PDXK: variants seen among roughly 807,000 people sequenced by gnomAD.
The protein encoded by PDXK is epididymis secretory sperm binding protein Li 1a.
A neutral mutation model predicts 43.2 loss-of-function variants in PDXK; 15 were observed. The observed-to-expected ratio is 0.35, with a 90% confidence interval of 0.23 to 0.53. PDXK has a LOEUF of 0.53. Ranked by LOEUF, PDXK falls within the 20% of genes least tolerant of loss-of-function variation. The probability of loss-of-function intolerance (pLI) is 0.92; values close to 1 mark genes in which losing one functional copy is unlikely to be tolerated. For synonymous variants in PDXK, 172 were observed against 165.4 expected, an observed-to-expected ratio of 1.04 and a Z score of -0.31; for missense variants, 343 against 417.0, an observed-to-expected ratio of 0.82 and a Z score of 1.54.
At chr21:43,740,064 G>A (rs1446105471) in intron 2 of PDXK, among the ~76,000 whole-genome samples, 2 of 151,882 alleles carry the variant, frequency 1.3e-5, no homozygotes, top group Non-Finnish European at 2.9e-5. Context: ...GTCTCTGGCA[G>A]ACCCACCCCT....
chr21:43,753,457 A>C lies in PDXK; in HGVS notation c.623-126A>C, dbSNP rs73908382. On this transcript the variant is annotated intron_variant, in intron 8 of 10. Coordinates refer to ENST00000291565, the MANE Select transcript of PDXK (RefSeq NM_003681.5). ...TGCCCTGAGCCCCCACGTCCTGAGC[A>C]AGGCCACCTTGTGCTCTGCCCCTGT... 1.1e-3 allele frequency: 1,053 copies of C among 915,710 alleles called. 13 individuals are homozygous for C. In the African/African-American group the frequency reaches 0.016, roughly 14 times the overall value. 56.7% of individuals were successfully genotyped at this position (915,710 alleles called of 1,614,324 possible). A position where few individuals can be genotyped will look rare whatever the true frequency, so the allele number is the denominator to read the frequency against.
In PDXK at chr21:43,749,010, C is replaced by T; in HGVS notation, c.394C>T (p.Leu132Phe). 1.9e-6 allele frequency: 3 copies of T among 1,611,018 alleles called. No homozygotes were observed. Among genetic ancestry groups the T allele is most frequent in the Non-Finnish European group, 2.5e-6 (3 of 1,177,260 alleles). The change falls in exon 6 of 11, where the codon CTC (leucine) becomes TTC (phenylalanine). Residue 132 changes from leucine (L) to phenylalanine (F), a missense_variant. By Grantham distance (22) the Leu-to-Phe change is conservative. Transcript: ENST00000291565. Reference sequence around the variant, plus strand: ...TGTTGGCCAGTACGTCCCGGAGGACCTCCTTCCCGTCTACAAAGAAAAAGT... The same window carrying T: ...TGTTGGCCAGTACGTCCCGGAGGACTTCCTTCCCGTCTACAAAGAAAAAGT... ...GEGSMYVPED[L>F]LPVYKEKVVP...
Position 43,737,992 on chromosome 21 carries a change from G to A in PDXK, c.143-3675G>A, listed in dbSNP as rs1205791845. 2.0e-6 allele frequency: 2 copies of A among 985,352 alleles called. No individual in the cohort carries two copies. The highest frequency in any genetic ancestry group is 2.4e-6 in the Non-Finnish European group (2 of 829,976). The allele number at this position is 985,352 out of a possible 1,614,324, so 61.0% of individuals were successfully genotyped here. The stretch of plus-strand genomic sequence containing the variant: ...TGCCCTCTGTTTCGATAGGAAGCTG[G>A]GCCTCAGAGGGGCCTGGGGCCTGTG... On this transcript the variant is annotated intron_variant, in intron 2 of 10. Transcript: ENST00000291565. This position sits in a 1 kb window ranked among gnomAD's most constrained non-coding sequence, Gnocchi z 4.8.
chr21:43,738,771 G>A lies in PDXK; in HGVS notation c.143-2896G>A, dbSNP rs142428689. ...ACCGCTATTGCTGTAGATTACGCCTGTGACGCACTGCCTCCCTTTCACTGT... is the reference window on the plus strand; with the variant it reads ...ACCGCTATTGCTGTAGATTACGCCTATGACGCACTGCCTCCCTTTCACTGT... On this transcript the variant is annotated intron_variant, in intron 2 of 10. Transcript: ENST00000291565. 558 of 152,594 alleles carry A rather than the reference G, an allele frequency of 3.7e-3. 3 individuals are homozygous for A. The highest frequency in any genetic ancestry group is 6.5e-3 in the African/African-American group (270 of 41,566). The allele number at this position is 152,594 out of a possible 1,614,324, so 9.5% of individuals were successfully genotyped here.
Position 43,755,722 on chromosome 21 carries a change from A to G in PDXK, c.784A>G (p.Thr262Ala), listed in dbSNP as rs145229797. 144 of 1,614,072 alleles carry G rather than the reference A, an allele frequency of 8.9e-5. No homozygotes were observed. In the African/African-American group the frequency reaches 1.1e-3, roughly 13 times the overall value. The change falls in exon 10 of 11, where the codon ACC (threonine) becomes GCC (alanine). Residue 262 changes from threonine (T) to alanine (A), a missense_variant. Physicochemically the swap from Thr to Ala is moderately conservative, Grantham distance 58. Transcript: ENST00000291565. ...LKVACEKTVS[T>A]LHHVLQRTIQ... ...GGTGGCCTGTGAGAAGACCGTGTCT[A>G]CCTTGCACCACGTTCTGCAGAGGAC...
In PDXK at chr21:43,734,793, T is replaced by C. The variant is rs1186948282; in HGVS notation, c.142+670T>C. On this transcript the variant is annotated intron_variant, in intron 2 of 10. Transcript: ENST00000291565. This position sits in a 1 kb window ranked among gnomAD's most constrained non-coding sequence, Gnocchi z 5.0. ...GAGGTGCGTGGAGTCCCCCCTCCTC[T>C]CTGTGGTTTCTATACTGCTTCGTCG... 6.6e-6 allele frequency among the ~76,000 whole-genome samples: 1 copy of C among 152,050 alleles called. No individual in the cohort carries two copies. Among genetic ancestry groups the C allele is most frequent in the African/African-American group, 2.4e-5 (1 of 41,364 alleles).
intron 9 of PDXK, chr21:43,755,341 C>A (rs996429633): frequency 1.3e-5 from 3 of 231,906 alleles, no homozygotes; most frequent in East Asian, 2.2e-4. Flanking sequence ...GCTGGGCTTT[C>A]GGCAGGAGCA....
intron 2 of PDXK, among the ~76,000 whole-genome samples, chr21:43,739,090 C>T (rs1001124594): frequency 2.6e-5 from 4 of 152,104 alleles, no homozygotes; most frequent in East Asian, 1.9e-4. Context: ...CCCGCAACCA[C>T]GCCCGGCTAA....
chr21:43,719,416 C>A, intron 1 of PDXK, 35 bp downstream of exon 1: 1 of 1,500,288 alleles, frequency 6.7e-7, no homozygotes, highest in Non-Finnish European at 8.9e-7. Context: ...CTTACGTAAC[C>A]CGAGCCCGTG....
rs920491361 is a variant in PDXK, at chr21:43,761,676, C to G, written c.*5613C>G. ...AGTGACTTTCTAACCCAAGACCCAGCCCCTGGCAGGAGGAGGGTGGGTGCA... is the reference window on the plus strand; with the variant it reads ...AGTGACTTTCTAACCCAAGACCCAGGCCCTGGCAGGAGGAGGGTGGGTGCA... On this transcript the variant is annotated 3_prime_UTR_variant, in exon 11 of 11. Coordinates refer to ENST00000291565, the MANE Select transcript of PDXK (RefSeq NM_003681.5). 7.1e-6 allele frequency: 1 copy of G among 141,358 alleles called. No homozygotes were observed. The highest frequency in any genetic ancestry group is 2.6e-5 in the African/African-American group (1 of 38,284). 8.8% of individuals were successfully genotyped at this position (141,358 alleles called of 1,614,324 possible).
Position 43,736,696 on chromosome 21 carries a change from G to A in PDXK, c.142+2573G>A, listed in dbSNP as rs1011554402. Among the ~76,000 whole-genome samples, 8 of 149,066 alleles carry A rather than the reference G, an allele frequency of 5.4e-5. No individual in the cohort carries two copies. The South Asian group carries it at 8.5e-4, about 16-fold the overall frequency. On this transcript the variant is annotated intron_variant, in intron 2 of 10. Transcript: ENST00000291565. ...CATTCAGGCTGGAGTGCAGTCCTGC[G>A]GTCATGACTCACTGCAGCCTTGACT...
intron 5 of PDXK, among the ~76,000 whole-genome samples, chr21:43,747,725 C>T (rs530626854): frequency 4.6e-5 from 7 of 152,342 alleles, no homozygotes; most frequent in South Asian, 2.1e-4. Flanking sequence ...CAGTTCAGTG[C>T]GGCTACGGGA....
chr21:43,732,296 G>A lies in PDXK; in HGVS notation c.88-1773G>A. 1.9e-6 allele frequency: 3 copies of A among 1,577,546 alleles called. No homozygotes were observed. The highest frequency in any genetic ancestry group is 1.7e-6 in the Non-Finnish European group (2 of 1,161,962). On this transcript the variant is annotated intron_variant, in intron 1 of 10. Transcript: ENST00000291565. The surrounding 1 kb of genome is among the most constrained non-coding windows in gnomAD (Gnocchi z 4.1). ...GGAGATACCTTTCTCTGGGGTCCCA[G>A]GCTCCCGTCCTGGACCTTGGCACCC...
intron 6 of PDXK, among the ~76,000 whole-genome samples, chr21:43,749,493 C>T (rs555746718): frequency 1.3e-5 from 2 of 152,256 alleles, no homozygotes; most frequent in Admixed American, 1.3e-4. Flanking sequence ...ACTCTGCCTT[C>T]GGGCTGCCTG....
In PDXK at chr21:43,750,675, G is replaced by A. The variant is rs1601830436; in HGVS notation, c.510+130G>A. 18 of 644,270 alleles carry A rather than the reference G, an allele frequency of 2.8e-5. No homozygotes were observed. The East Asian group carries it at 5.0e-4, about 18-fold the overall frequency. 39.9% of individuals were successfully genotyped at this position (644,270 alleles called of 1,614,324 possible). On this transcript the variant is annotated intron_variant, in intron 7 of 10. Coordinates refer to ENST00000291565, the MANE Select transcript of PDXK (RefSeq NM_003681.5). The stretch of plus-strand genomic sequence containing the variant: ...TGACTGAACAGTCTGTACCAGTCGG[G>A]GCCTCCAGAGATCAGCAGGATATAT...
At position 43,757,422 on chromosome 21, in the gene PDXK, G is replaced by C. The variant is rs2083868676; in HGVS notation, c.*1359G>C. 2.0e-5 allele frequency: 3 copies of C among 152,342 alleles called. No homozygotes were observed. Among genetic ancestry groups the C allele is most frequent in the Admixed American group, 2.0e-4 (3 of 15,302 alleles). The allele number at this position is 152,342 out of a possible 1,614,324, so 9.4% of individuals were successfully genotyped here. On this transcript the variant is annotated 3_prime_UTR_variant, in exon 11 of 11. Transcript: ENST00000291565. Reference sequence around the variant, plus strand: ...GATGCAGGAAGTGGGGGCCCATGGGGCCCCCAAGAAGCGGACTCTCCAAGG... The same window carrying C: ...GATGCAGGAAGTGGGGGCCCATGGGCCCCCCAAGAAGCGGACTCTCCAAGG...
intron 8 of PDXK, 112 bp downstream of exon 8, chr21:43,752,741 A>C (rs1216995322): frequency 1.5e-6 from 1 of 671,180 alleles, no homozygotes; most frequent in Non-Finnish European, 2.7e-6. Flanking sequence ...AGCCTTATCC[A>C]GCACCGGGAT....
chr21:43,741,756 G>A lies in PDXK; in HGVS notation c.232G>A (p.Asp78Asn), dbSNP rs1167813050. 1 of 1,607,440 alleles carries A rather than the reference G, an allele frequency of 6.2e-7. No homozygotes were observed. Among genetic ancestry groups the A allele is most frequent in the Non-Finnish European group, 8.5e-7 (1 of 1,174,882 alleles). Residue 78 changes from aspartate to asparagine, a missense_variant, in exon 3 of 11, where the codon GAC (aspartate) becomes AAC (asparagine). Asp to Asn is a conservative substitution (Grantham distance 23). Transcript: ENST00000291565. ...GLRLNNMNKYDYVLTGYTRDK... is the reference protein window; with the variant it reads ...GLRLNNMNKYNYVLTGYTRDK... ...GAGGCTGAACAACATGAATAAATAT[G>A]ACTACGTGCTCACAGGTAGGTGCCG...
At chr21:43,724,157 T>C (rs534118547) in intron 1 of PDXK, among the ~76,000 whole-genome samples, 1 of 152,254 alleles carries the variant, frequency 6.6e-6, no homozygotes, top group South Asian at 2.1e-4. Context: ...GGAGCAGACC[T>C]GAGACACCTG....
Sources: allele counts gnomAD v4.1 joint callset (sites outside exome capture counted in the v4.1 genomes callset), GRCh38; gene constraint gnomAD v4.1.1; non-coding constraint Gnocchi (gnomAD v3.1); transcripts MANE v1.5; gene names NCBI Gene and HGNC (gene_info 2026-07-23, HGNC 2026-07-21).